PEAK1: variants seen among roughly 807,000 people sequenced by gnomAD.
PEAK1 encodes the protein pseudopodium enriched atypical kinase 1.
Under a neutral mutation model 124.7 loss-of-function variants are expected in PEAK1, and 54 were observed. That is an observed-to-expected ratio of 0.43 (90% CI 0.35 to 0.54). The LOEUF is 0.54. Among genes scored for constraint, PEAK1 ranks in the 20% least tolerant of loss-of-function variants. The pLI is 0.01. For synonymous variants in PEAK1, 719 were observed against 760.0 expected, an observed-to-expected ratio of 0.95 and a Z score of 0.89; for missense variants, 2,046 against 2,134.5, an observed-to-expected ratio of 0.96 and a Z score of 0.82.
chr15:77,418,863 G>C (rs1435374261), intron 1 of PEAK1: 2 of 985,240 alleles, frequency 2.0e-6, no homozygotes, highest in Admixed American at 6.1e-5. Context: ...ACAAAAATCA[G>C]TAAGTAGGCC....
chr15:77,254,201 C>T (rs1596907179), intron 5 of PEAK1, among the ~76,000 whole-genome samples: 1 of 152,030 alleles, frequency 6.6e-6, no homozygotes, highest in African/African-American at 2.4e-5. Flanking sequence ...GTTTACTGAC[C>T]TTCATTCTGT....
In PEAK1 at chr15:77,143,911, T is replaced by C. The variant is rs544282853; in HGVS notation, c.3332-10161A>G. 2.6e-5 allele frequency among the ~76,000 whole-genome samples: 4 copies of C among 152,350 alleles called. No individual in the cohort carries two copies. In the South Asian group the frequency reaches 6.2e-4, roughly 24 times the overall value. Reference sequence around the variant, plus strand: ...AGCAGAATGGAATAAATAAGAAAACTAGAACATGAACCTATTCTTACCTAT... The same window carrying C: ...AGCAGAATGGAATAAATAAGAAAACCAGAACATGAACCTATTCTTACCTAT... On this transcript the variant is annotated intron_variant, in intron 8 of 9. Coordinates refer to ENST00000682557, the MANE Select transcript of PEAK1 (RefSeq NM_001385026.1).
At chr15:77,271,726 A>T (rs567511531) in intron 5 of PEAK1, among the ~76,000 whole-genome samples, 1 of 152,304 alleles carries the variant, frequency 6.6e-6, no homozygotes, top group South Asian at 2.1e-4. Context: ...GTGGCAACTG[A>T]ACAGTGAGAA....
chr15:77,213,127 C>T (rs1001475880), intron 6 of PEAK1, among the ~76,000 whole-genome samples: 1 of 152,006 alleles, frequency 6.6e-6, no homozygotes, highest in Non-Finnish European at 1.5e-5. Flanking sequence ...TAACTGGAAC[C>T]CTTCATTAAC....
chr15:77,369,494 A>G (rs74025111), intron 1 of PEAK1, among the ~76,000 whole-genome samples: 1 of 152,298 alleles, frequency 6.6e-6, no homozygotes, highest in African/African-American at 2.4e-5. Flanking sequence ...CAGTGATCAA[A>G]CTATAGCCTA....
At chr15:77,288,280 C>T (rs969135417) in intron 2 of PEAK1, among the ~76,000 whole-genome samples, 1 of 152,170 alleles carries the variant, frequency 6.6e-6, no homozygotes, top group Non-Finnish European at 1.5e-5. Flanking sequence ...GCACCACTGA[C>T]ATACTGAACT....
At chr15:77,195,336 C>T (rs2152838390) in intron 6 of PEAK1, among the ~76,000 whole-genome samples, 1 of 152,202 alleles carries the variant, frequency 6.6e-6, no homozygotes, top group East Asian at 1.9e-4. Flanking sequence ...CCCAACTCTC[C>T]TGTCTTAACT....
chr15:77,238,255 T>C (rs2060208250), intron 6 of PEAK1, among the ~76,000 whole-genome samples: 1 of 152,178 alleles, frequency 6.6e-6, no homozygotes, highest in Admixed American at 6.5e-5. Context: ...AAATATACTA[T>C]CCCACTATCT....
chr15:77,212,758 A>G (rs190417265), intron 6 of PEAK1, among the ~76,000 whole-genome samples: 2 of 152,334 alleles, frequency 1.3e-5, no homozygotes, highest in East Asian at 1.9e-4. Flanking sequence ...AAGTCCTATG[A>G]AAAAGTCATA....
intron 8 of PEAK1, among the ~76,000 whole-genome samples, chr15:77,141,135 G>A (rs1205853963): frequency 6.6e-6 from 1 of 152,124 alleles, no homozygotes; most frequent in Non-Finnish European, 1.5e-5. Context: ...CGTGTATATT[G>A]AGAAGCGTAG....
intron 3 of PEAK1, among the ~76,000 whole-genome samples, chr15:77,286,008 C>G (rs1342964575): frequency 1.3e-5 from 2 of 152,268 alleles, no homozygotes; most frequent in Non-Finnish European, 2.9e-5. Flanking sequence ...ATAAATTTCC[C>G]TCTATACACT....
intron 5 of PEAK1, among the ~76,000 whole-genome samples, chr15:77,266,608 C>G (rs144514062): frequency 1.3e-5 from 2 of 152,138 alleles, no homozygotes; most frequent in African/African-American, 4.8e-5. Flanking sequence ...TATCAAGAAT[C>G]AGGAAAATCA....
At chr15:77,293,509 T>C (rs1597147091) in intron 2 of PEAK1, among the ~76,000 whole-genome samples, 2 of 152,314 alleles carry the variant, frequency 1.3e-5, no homozygotes, top group South Asian at 4.2e-4. Flanking sequence ...GAAATGCTCT[T>C]TCCATTCTCT....
At chr15:77,323,935 G>C (rs918034050) in intron 2 of PEAK1, among the ~76,000 whole-genome samples, 9 of 152,114 alleles carry the variant, frequency 5.9e-5, no homozygotes, top group Admixed American at 2.0e-4. Flanking sequence ...CCAAAACAGA[G>C]ATACAGACCA....
chr15:77,319,518 G>A (rs915054847), intron 2 of PEAK1, among the ~76,000 whole-genome samples: 1 of 152,206 alleles, frequency 6.6e-6, no homozygotes, highest in Non-Finnish European at 1.5e-5. Context: ...GTTGGATGCA[G>A]AGAAGATTCT....
intron 2 of PEAK1, among the ~76,000 whole-genome samples, chr15:77,311,652 AAC>A (rs1176097918): frequency 2.7e-5 from 4 of 149,080 alleles, no homozygotes; most frequent in Non-Finnish European, 4.5e-5. Flanking sequence ...TAGCCTGGGA[AAC>A]ACAGCGAGAT....
chr15:77,157,643 CT>C (rs1218358382), intron 8 of PEAK1: 1 of 152,208 alleles, frequency 6.6e-6, no homozygotes, highest in Non-Finnish European at 1.5e-5. Context: ...GGGATCTTTA[CT>C]TTTTTGAGTC....
chr15:77,214,938 T>C (rs2059080872), intron 6 of PEAK1, among the ~76,000 whole-genome samples: 1 of 152,136 alleles, frequency 6.6e-6, no homozygotes, highest in African/African-American at 2.4e-5. Flanking sequence ...GAGAATTGGG[T>C]GGGGACACAG....
At chr15:77,224,024 C>G (rs1203742436) in intron 6 of PEAK1, among the ~76,000 whole-genome samples, 1 of 149,960 alleles carries the variant, frequency 6.7e-6, no homozygotes, top group Non-Finnish European at 1.5e-5. Context: ...CTCTTTTAAA[C>G]AAATTTTATT....
Sources: gnomAD v4.1 joint callset for allele counts (sites outside exome capture counted in the v4.1 genomes callset) on GRCh38, gnomAD v4.1.1 for gene constraint, MANE v1.5 for transcripts, NCBI Gene and HGNC (gene_info 2026-07-23, HGNC 2026-07-21) for gene names.